The following PCDH15 variants were observed in gnomAD, a reference collection of about 807,000 sequenced individuals.
PCDH15 encodes the protein protocadherin related 15.
In PCDH15, 129 loss-of-function variants were observed where a neutral mutation model predicts 178.5. That is an observed-to-expected ratio of 0.72 (90% CI 0.63 to 0.84). The LOEUF is 0.84. PCDH15 is among the 40% of genes least tolerant of loss of function. PCDH15 has a pLI of 0.00. For synonymous variants in PCDH15, 800 were observed against 732.0 expected, an observed-to-expected ratio of 1.09 and a Z score of -1.50; for missense variants, 2,230 against 2,099.9, an observed-to-expected ratio of 1.06 and a Z score of -1.21.
At chr10:54,737,028 C>T (rs1183095341) in intron 1 of PCDH15, among the ~76,000 whole-genome samples, 2 of 152,132 alleles carry the variant, frequency 1.3e-5, no homozygotes, top group African/African-American at 4.8e-5. Context: ...CCTTCCTGTA[C>T]AAATGGATTG....
Position 55,095,715 on chromosome 10 carries a change from T to C in PCDH15, c.-80+70861A>G, listed in dbSNP as rs1324838620. On this transcript the variant is annotated intron_variant, in intron 2 of 5. Transcript: ENST00000458638. ...CATGACCTGAAGCTTCCCAATAACA[T>C]TTTTGACATTTGGTTTTACTTTAAC... 2.0e-5 allele frequency among the ~76,000 whole-genome samples: 3 copies of C among 152,108 alleles called. No individual in the cohort carries two copies. In the South Asian group the frequency reaches 6.2e-4, roughly 31 times the overall value.
intron 5 of PCDH15, among the ~76,000 whole-genome samples, chr10:54,356,471 ATAGT>A (rs1344693416): frequency 4.6e-5 from 7 of 151,844 alleles, no homozygotes; most frequent in African/African-American, 1.7e-4. Flanking sequence ...TTAGTATAAA[ATAGT>A]TATGTATTTA....
intron 3 of PCDH15, among the ~76,000 whole-genome samples, chr10:54,867,537 A>T (rs1451310068): frequency 6.6e-6 from 1 of 152,120 alleles, no homozygotes. Context: ...TTGCACATAT[A>T]TACATAGGAC....
chr10:55,463,843 T>G, intron 2 of PCDH15, among the ~76,000 whole-genome samples: 1 of 141,906 alleles, frequency 7.0e-6, no homozygotes, highest in African/African-American at 2.6e-5. Context: ...TGAGATAGGG[T>G]GACAGAGTAA....
intron 1 of PCDH15, among the ~76,000 whole-genome samples, chr10:54,772,360 T>G (rs1949188603): frequency 6.8e-6 from 1 of 146,744 alleles, no homozygotes; most frequent in Non-Finnish European, 1.5e-5. Context: ...GTAAAATAAA[T>G]AATTTAAGAC....
chr10:54,637,416 CA>C (rs1258097559), intron 2 of PCDH15, among the ~76,000 whole-genome samples: 3 of 151,946 alleles, frequency 2.0e-5, no homozygotes, highest in Non-Finnish European at 2.9e-5. Context: ...TTCTGTAGGT[CA>C]AAAGGAAAAT....
intron 27 of PCDH15, among the ~76,000 whole-genome samples, chr10:53,865,345 G>C (rs942116180): frequency 2.0e-5 from 3 of 152,162 alleles, no homozygotes; most frequent in African/African-American, 7.2e-5. Context: ...GTTCTCATGA[G>C]AGAACACAAT....
At chr10:55,254,563 G>A (rs1841937107) in intron 1 of PCDH15, among the ~76,000 whole-genome samples, 1 of 152,008 alleles carries the variant, frequency 6.6e-6, no homozygotes. Context: ...TCTACTATTT[G>A]GTCAAGACAG....
At chr10:54,354,200 G>A (rs529450153) in intron 5 of PCDH15, among the ~76,000 whole-genome samples, 43 of 152,152 alleles carry the variant, frequency 2.8e-4, no homozygotes, top group Non-Finnish European at 5.7e-4. Context: ...GGACAGGCTA[G>A]TCTCAAACTC....
chr10:55,073,461 C>T (rs1252321044), intron 2 of PCDH15, among the ~76,000 whole-genome samples: 5 of 151,918 alleles, frequency 3.3e-5, no homozygotes, highest in Non-Finnish European at 1.5e-5. Flanking sequence ...CAATAACAGA[C>T]AAACAGAGAG....
chr10:54,923,921 G>A (rs1230074537), intron 2 of PCDH15, among the ~76,000 whole-genome samples: 1 of 137,502 alleles, frequency 7.3e-6, no homozygotes, highest in Non-Finnish European at 1.7e-5. Flanking sequence ...CACATTTTCA[G>A]GTATCTTTAT....
chr10:54,178,818 T>C (rs2047692650), intron 13 of PCDH15, among the ~76,000 whole-genome samples: 1 of 151,956 alleles, frequency 6.6e-6, no homozygotes, highest in Admixed American at 6.6e-5. Flanking sequence ...TGTGAAAAAA[T>C]GCTCATCATC....
intron 3 of PCDH15, among the ~76,000 whole-genome samples, chr10:54,868,016 T>C (rs1953969004): frequency 6.6e-6 from 1 of 152,190 alleles, no homozygotes; most frequent in Non-Finnish European, 1.5e-5. Flanking sequence ...GTGTGTTAAT[T>C]AGCTTGTCTT....
At position 53,806,757 on chromosome 10, in the gene PCDH15, T is replaced by TTGTC. The variant is rs774637607; in HGVS notation, c.5041_5044dup (p.Asn1682ArgfsTer17). On this transcript the variant is annotated frameshift_variant, in exon 38 of 38. Transcript: ENST00000644397. LOFTEE classifies it high-confidence loss of function. Reference sequence around the variant, plus strand: ...GTTCCTTAGTGGCTTCACCGCTGTATTGTCAGTCCCCACAGGGCAAGGGGC... The same window carrying TTGTC: ...GTTCCTTAGTGGCTTCACCGCTGTATTGTCTGTCAGTCCCCACAGGGCAAGGGGC... The TTGTC allele has an allele frequency of 1.0e-4, 166 of 1,613,842 alleles. 1 individual carries two copies. In the East Asian group the frequency reaches 2.7e-3, roughly 26 times the overall value.
At chr10:55,281,913 T>C (rs1842743450) in intron 1 of PCDH15, among the ~76,000 whole-genome samples, 1 of 152,184 alleles carries the variant, frequency 6.6e-6, no homozygotes, top group Non-Finnish European at 1.5e-5. Flanking sequence ...TGCTCCGAAA[T>C]ATTTATAAAA....
chr10:54,367,571 C>A (rs1419626719), intron 5 of PCDH15, among the ~76,000 whole-genome samples: 2 of 151,874 alleles, frequency 1.3e-5, no homozygotes, highest in African/African-American at 4.8e-5. Flanking sequence ...AAACCAAACA[C>A]CACATGTCCT....
At chr10:55,415,225 G>A (rs1425820907) in intron 2 of PCDH15, among the ~76,000 whole-genome samples, 2 of 151,530 alleles carry the variant, frequency 1.3e-5, no homozygotes, top group African/African-American at 2.4e-5. Context: ...ATTTGTGTAT[G>A]TTACATAAAC....
chr10:54,745,886 T>G (rs1945391862), intron 1 of PCDH15, among the ~76,000 whole-genome samples: 1 of 152,170 alleles, frequency 6.6e-6, no homozygotes, highest in African/African-American at 2.4e-5. Flanking sequence ...AGAATATACT[T>G]TTATTAGATA....
chr10:53,879,204 G>A (rs540951097), intron 26 of PCDH15, among the ~76,000 whole-genome samples: 6 of 152,018 alleles, frequency 3.9e-5, no homozygotes, highest in East Asian at 3.9e-4. Context: ...TTTCTGAATC[G>A]TCTTTGGATC....
Sources: gnomAD v4.1 joint callset for allele counts (sites outside exome capture counted in the v4.1 genomes callset) on GRCh38, gnomAD v4.1.1 for gene constraint, MANE v1.5 for transcripts, NCBI Gene and HGNC (gene_info 2026-07-23, HGNC 2026-07-21) for gene names.